ZNF254: variants seen among roughly 807,000 people sequenced by gnomAD.
ZNF254 encodes the protein zinc finger protein 254, also known as CTD-2017D11.1.
ZNF254 carries 10 observed loss-of-function variants against 12.4 expected under a neutral mutation model. The observed-to-expected ratio is 0.80, with a 90% CI of 0.50 to 1.36. ZNF254 has a LOEUF of 1.36. Ranked by LOEUF, ZNF254 falls within the 40% of genes most tolerant of loss-of-function variation. The probability of loss-of-function intolerance (pLI) is 0.00; values close to 1 mark genes in which losing one functional copy is unlikely to be tolerated. For synonymous variants in ZNF254, 305 were observed against 253.4 expected, an observed-to-expected ratio of 1.20 and a Z score of -1.93; for missense variants, 996 against 763.9, an observed-to-expected ratio of 1.30 and a Z score of -3.58.
At chr19:24,117,023 G>T (rs536200582) in intron 3 of ZNF254, among the ~76,000 whole-genome samples, 1 of 152,104 alleles carries the variant, frequency 6.6e-6, no homozygotes, top group African/African-American at 2.4e-5. Flanking sequence ...TTCGTGAACC[G>T]CGAATACTGC....
chr19:24,068,214 T>A (rs1971348852), intron 2 of ZNF254, among the ~76,000 whole-genome samples: 1 of 151,854 alleles, frequency 6.6e-6, no homozygotes. Flanking sequence ...TATGTGTCTA[T>A]CCTCTCAGGG....
chr19:24,110,827 C>A (rs2145848733), intron 3 of ZNF254, among the ~76,000 whole-genome samples: 1 of 151,966 alleles, frequency 6.6e-6, no homozygotes, highest in South Asian at 2.1e-4. Context: ...ATAATATTCT[C>A]AAAGTGTATC....
chr19:24,056,900 C>T (rs1421750031), intron 2 of ZNF254, among the ~76,000 whole-genome samples: 1 of 152,152 alleles, frequency 6.6e-6, no homozygotes, highest in Non-Finnish European at 1.5e-5. Flanking sequence ...GTGACATATC[C>T]CTGGCCTATT....
At chr19:24,038,786 C>T (rs1160622557) in intron 1 of ZNF254, among the ~76,000 whole-genome samples, 1 of 152,166 alleles carries the variant, frequency 6.6e-6, no homozygotes, top group Admixed American at 6.5e-5. Flanking sequence ...CATACTTTTA[C>T]CAGATTTCTA....
chr19:24,086,398 C>CG (rs1972041486), upstream of ZNF254, among the ~76,000 whole-genome samples: 1 of 151,930 alleles, frequency 6.6e-6, no homozygotes, highest in South Asian at 2.1e-4. Flanking sequence ...CTCAGCCCCC[C>CG]GGGTTCAAGG....
chr19:24,046,909 G>C (rs1970413267), intron 2 of ZNF254, among the ~76,000 whole-genome samples: 2 of 149,992 alleles, frequency 1.3e-5, no homozygotes, highest in South Asian at 4.2e-4. Context: ...CTGTTGCCCA[G>C]GCTGGAGTGC....
intron 3 of ZNF254, among the ~76,000 whole-genome samples, chr19:24,125,881 G>A (rs545573068): frequency 2.0e-5 from 3 of 152,242 alleles, no homozygotes; most frequent in East Asian, 1.9e-4. Context: ...TGATTGTGCC[G>A]GTATTTTACC....
At chr19:24,041,884 ACT>A (rs1288218578) in intron 1 of ZNF254, among the ~76,000 whole-genome samples, 3 of 151,404 alleles carry the variant, frequency 2.0e-5, no homozygotes, top group Non-Finnish European at 2.9e-5. Flanking sequence ...ACCAATCCAC[ACT>A]CTGTATCTAG....
chr19:24,033,603 T>C, exon 1 of ZNF254: 2 of 418,074 alleles, frequency 4.8e-6, no homozygotes, highest in South Asian at 3.5e-5. Flanking sequence ...TGTCAGGACA[T>C]CCTGGAAGCT....
Position 24,126,878 on chromosome 19 carries a change from C to G in ZNF254, c.878C>G (p.Pro293Arg). 6.2e-7 allele frequency: 1 copy of G among 1,613,300 alleles called. No individual in the cohort carries two copies. The highest frequency in any genetic ancestry group is 8.5e-7 in the Non-Finnish European group (1 of 1,179,732). ...THKIIHTGEK[P>R]YKCEECGKAF... ...AAGATAATTCATACTGGAGAGAAAC[C>G]TTACAAGTGTGAAGAATGTGGCAAA... Residue 293 changes from proline to arginine, a missense_variant, in exon 4 of 4, where the codon CCT becomes CGT. Physicochemically the swap from Pro to Arg is moderately radical, Grantham distance 103 (BLOSUM62 -2). Transcript: ENST00000357002.
At chr19:24,117,869 A>T (rs1438881203) in intron 3 of ZNF254, among the ~76,000 whole-genome samples, 3 of 152,000 alleles carry the variant, frequency 2.0e-5, no homozygotes, top group Non-Finnish European at 4.4e-5. Context: ...AAACTGAATC[A>T]TATTCCATTC....
intron 3 of ZNF254, among the ~76,000 whole-genome samples, chr19:24,115,317 C>CA: frequency 6.6e-6 from 1 of 152,060 alleles, no homozygotes; most frequent in African/African-American, 2.4e-5. Context: ...AAATGTGGCA[C>CA]ATATACACCA....
intron 2 of ZNF254, chr19:24,106,332 G>T: frequency 1.9e-6 from 1 of 528,996 alleles, no homozygotes; most frequent in Non-Finnish European, 2.9e-6. Flanking sequence ...AAATCCATTT[G>T]GCATCACCAA....
In ZNF254 at chr19:24,128,069, G is replaced by C; in HGVS notation, c.*89G>C. 1.5e-6 allele frequency: 2 copies of C among 1,334,980 alleles called. No individual in the cohort carries two copies. The highest frequency in any genetic ancestry group is 2.0e-6 in the Non-Finnish European group (2 of 1,014,160). The allele number at this position is 1,334,980 out of a possible 1,614,324, so 82.7% of individuals were successfully genotyped here. ...GAGAAACTACAAACCTGAGAGAGGC[G>C]CTAATGCTTTTGACAGTACCTAAAA... On this transcript the variant is annotated 3_prime_UTR_variant, in exon 4 of 4. Transcript: ENST00000357002.
intron 2 of ZNF254, among the ~76,000 whole-genome samples, chr19:24,050,666 G>A (rs1233569962): frequency 6.6e-6 from 1 of 152,212 alleles, no homozygotes. Context: ...CCATTGCTGA[G>A]GTTGTGTGAC....
At chr19:24,078,665 C>G (rs1353486048) in intron 2 of ZNF254, 3 of 152,094 alleles carry the variant, frequency 2.0e-5, no homozygotes. Context: ...AATACTCCAA[C>G]TATAAGCTAC....
chr19:24,116,144 C>CATCCTATTTTTAAAGGGAAATAAATTT (rs1555768525), intron 3 of ZNF254, among the ~76,000 whole-genome samples: 1 of 151,124 alleles, frequency 6.6e-6, no homozygotes, highest in Non-Finnish European at 1.5e-5. Flanking sequence ...TCCTTCGTTT[C>CATCCTATTTTTAAAGGGAAATAAATTT]AACTTTGGTC....
At chr19:24,080,017 A>G (rs1044566479) in intron 2 of ZNF254, 1 of 152,232 alleles carries the variant, frequency 6.6e-6, no homozygotes, top group African/African-American at 2.4e-5. Context: ...ATGAAAAGAT[A>G]GACCCTTCTG....
intron 3 of ZNF254, among the ~76,000 whole-genome samples, chr19:24,115,888 CTGG>C (rs966687186): frequency 1.3e-5 from 2 of 152,102 alleles, no homozygotes; most frequent in Admixed American, 6.5e-5. Flanking sequence ...TAGGGCAGGC[CTGG>C]TGGTGACAAA....
Sources: allele counts gnomAD v4.1 joint callset (sites outside exome capture counted in the v4.1 genomes callset), GRCh38; gene constraint gnomAD v4.1.1; transcripts MANE v1.5; gene names NCBI Gene and HGNC (gene_info 2026-07-23, HGNC 2026-07-21).